The following RNF32 variants were observed in gnomAD, a reference collection of about 807,000 sequenced individuals.
RNF32 encodes ring finger protein 32.
Under a neutral mutation model 41.0 loss-of-function variants are expected in RNF32, and 36 were observed. The ratio of observed to expected loss-of-function variants is 0.88; its 90% CI spans 0.67 to 1.16. RNF32 has a LOEUF of 1.16. Ranked by LOEUF, RNF32 falls within the 50% of genes most tolerant of loss-of-function variation. The pLI, the probability that RNF32 is intolerant of heterozygous loss-of-function variation, is 0.00. For synonymous variants in RNF32, 154 were observed against 160.9 expected (o/e 0.96, Z 0.32); for missense variants, 413 against 436.7 (o/e 0.95, Z 0.48).
intron 7 of RNF32, among the ~76,000 whole-genome samples, chr7:156,667,888 T>A (rs905899146): frequency 4.6e-5 from 7 of 152,234 alleles, no homozygotes; most frequent in Non-Finnish European, 8.8e-5. Context: ...AATAAGCTAA[T>A]GTCAATGTTA....
chr7:156,646,268 T>A (rs967857626), intron 3 of RNF32, among the ~76,000 whole-genome samples: 4 of 152,246 alleles, frequency 2.6e-5, no homozygotes, highest in African/African-American at 9.6e-5. Context: ...TCTCTCAGTG[T>A]CCTGGAGGCC....
chr7:156,654,399 G>C (rs1585032795), intron 3 of RNF32, 177 bp from the exon 4 acceptor site: 1 of 525,924 alleles, frequency 1.9e-6, no homozygotes, highest in African/African-American at 1.9e-5. Context: ...AGCATCCTTG[G>C]AATGTCCTGG....
intron 7 of RNF32, among the ~76,000 whole-genome samples, chr7:156,673,001 C>A (rs541375490): frequency 6.6e-6 from 1 of 152,206 alleles, no homozygotes; most frequent in Non-Finnish European, 1.5e-5. Context: ...AGGCCCGGGG[C>A]AAAGCCTGAA....
Position 156,676,427 on chromosome 7 carries a change from C to A in RNF32, c.861C>A (p.Arg287=), listed in dbSNP as rs1437035203. The A allele has an allele frequency of 6.2e-7, 1 of 1,613,968 alleles. No homozygotes were observed. The highest frequency in any genetic ancestry group is 1.3e-5 in the African/African-American group (1 of 74,938). Residue 287 remains arginine, a synonymous_variant, in exon 9 of 9, where the codon CGC becomes CGA. Transcript: ENST00000317955. ...CGTCCTGTGTGCCGCAGGCTCTGCG[C>A]CGGGAGACCCACGAGTGCTCCATCT... The part of the protein sequence containing the change: ...EWEKIQVQAL[R]RETHECSICL...
At chr7:156,652,658 A>G (rs1798903838) in intron 3 of RNF32, among the ~76,000 whole-genome samples, 1 of 152,094 alleles carries the variant, frequency 6.6e-6, no homozygotes, top group Non-Finnish European at 1.5e-5. Flanking sequence ...CTAGGCTAAT[A>G]TGTGTGTTTG....
chr7:156,653,735 C>T (rs1162171147), intron 3 of RNF32, among the ~76,000 whole-genome samples: 3 of 152,130 alleles, frequency 2.0e-5, no homozygotes, highest in Non-Finnish European at 2.9e-5. Flanking sequence ...ACTATCAGCT[C>T]GATGCCGAGA....
intron 3 of RNF32, among the ~76,000 whole-genome samples, chr7:156,653,211 A>G (rs115590254): frequency 0.019 from 2,847 of 152,110 alleles, 88 homozygotes; most frequent in African/African-American, 0.066. Context: ...TACCTTTTCC[A>G]TGTTTGGAAG....
rs200622568 is a variant in RNF32, at chr7:156,654,647, C to T, written c.346C>T (p.Arg116Cys). Residue 116 changes from arginine to cysteine, a missense_variant, in exon 4 of 9, where the codon CGC becomes TGC. Coordinates refer to ENST00000317955, the MANE Select transcript of RNF32 (RefSeq NM_030936.4). ...AGATGAATGGGAGAAGGTGAAACAG[C>T]GCTCTCTCCTGCAAGGGGACTCCGT... Reference protein sequence around the residue: ...SSDEWEKVKQRSLLQGDSVQP... With the variant: ...SSDEWEKVKQCSLLQGDSVQP... 50 of 1,613,998 alleles carry T rather than the reference C, an allele frequency of 3.1e-5. No individual in the cohort carries two copies. The highest frequency in any genetic ancestry group is 1.6e-4 in the Middle Eastern group (1 of 6,062).
intron 3 of RNF32, among the ~76,000 whole-genome samples, chr7:156,645,644 T>C (rs977966773): frequency 1.3e-5 from 2 of 152,236 alleles, no homozygotes; most frequent in Non-Finnish European, 2.9e-5. Context: ...TGTAGGCTAA[T>C]TGATAGATTA....
intron 7 of RNF32, chr7:156,658,949 A>G (rs1800169482): frequency 6.6e-7 from 1 of 1,521,440 alleles, no homozygotes; most frequent in Admixed American, 2.4e-5. Flanking sequence ...ATAGTAATGA[A>G]AATAGAAGCT....
chr7:156,675,908 C>A, intron 8 of RNF32, 45 bp downstream of exon 8: 1 of 1,583,294 alleles, frequency 6.3e-7, no homozygotes. Context: ...TCAGCTGCAG[C>A]TGCAGAGGCT....
chr7:156,672,972 C>T (rs892025064), intron 7 of RNF32, among the ~76,000 whole-genome samples: 4 of 152,238 alleles, frequency 2.6e-5, no homozygotes, highest in Non-Finnish European at 4.4e-5. Flanking sequence ...GGGCTCACCC[C>T]GCGGACTGTG....
chr7:156,668,766 C>T (rs932085250), intron 7 of RNF32, among the ~76,000 whole-genome samples: 2 of 152,358 alleles, frequency 1.3e-5, no homozygotes, highest in Admixed American at 6.5e-5. Flanking sequence ...CAGGCTAGCA[C>T]AGTGCCTGTT....
chr7:156,666,642 G>A (rs947832683), intron 7 of RNF32, among the ~76,000 whole-genome samples: 3 of 152,154 alleles, frequency 2.0e-5, no homozygotes, highest in East Asian at 3.8e-4. Flanking sequence ...GAGTTGTCTC[G>A]GGATGATACA....
At chr7:156,655,441 A>G (rs181581957) in intron 4 of RNF32, among the ~76,000 whole-genome samples, 112 of 152,302 alleles carry the variant, frequency 7.4e-4, no homozygotes, top group Non-Finnish European at 1.4e-3. Context: ...CCCTGTAACA[A>G]TTTCCCACGT....
intron 8 of RNF32, 115 bp from the exon 9 acceptor site, chr7:156,676,304 T>G: frequency 1.9e-6 from 3 of 1,606,288 alleles, no homozygotes; most frequent in South Asian, 1.1e-5. Flanking sequence ...GAATGAAACT[T>G]CCGCATGTTT....
At chr7:156,666,136 T>C (rs953023296) in intron 7 of RNF32, among the ~76,000 whole-genome samples, 1 of 152,228 alleles carries the variant, frequency 6.6e-6, no homozygotes, top group African/African-American at 2.4e-5. Flanking sequence ...TTGATATTTT[T>C]AGACATAGCT....
chr7:156,674,473 ACT>A (rs1803344689), intron 7 of RNF32, among the ~76,000 whole-genome samples: 1 of 152,028 alleles, frequency 6.6e-6, no homozygotes, highest in Admixed American at 6.6e-5. Flanking sequence ...TTTGCTTTAC[ACT>A]CTTCACATGT....
intron 7 of RNF32, among the ~76,000 whole-genome samples, chr7:156,667,638 A>T (rs2131593264): frequency 6.6e-6 from 1 of 152,330 alleles, no homozygotes; most frequent in South Asian, 2.1e-4. Context: ...AAAGCGAGGG[A>T]GTAAATAAAG....
Sources: allele counts gnomAD v4.1 joint callset (sites outside exome capture counted in the v4.1 genomes callset), GRCh38; gene constraint gnomAD v4.1.1; transcripts MANE v1.5; gene names NCBI Gene and HGNC (gene_info 2026-07-23, HGNC 2026-07-21).